The following FTO variants were observed in gnomAD, a reference collection of about 807,000 sequenced individuals.
FTO encodes FTO alpha-ketoglutarate dependent dioxygenase.
FTO carries 47 observed loss-of-function variants against 63.9 expected under a neutral mutation model. The observed-to-expected ratio is 0.74, with a 90% CI of 0.58 to 0.94. The LOEUF (loss-of-function observed/expected upper bound fraction) is 0.94. Among genes scored for constraint, FTO ranks in the 40% least tolerant of loss-of-function variants. The pLI, the probability that FTO is intolerant of heterozygous loss-of-function variation, is 0.00. For missense variants in FTO, 562 were observed against 618.1 expected (o/e 0.91, Z 0.96); for synonymous variants, 207 against 224.4 (o/e 0.92, Z 0.69).
Position 53,893,521 on chromosome 16 carries a change from G to A in FTO, c.1239+4570G>A, listed in dbSNP as rs189332367. 2.7e-3 allele frequency among the ~76,000 whole-genome samples: 412 copies of A among 152,220 alleles called. 2 individuals are homozygous for A. Among genetic ancestry groups the A allele is most frequent in the African/African-American group, 9.6e-3 (397 of 41,544 alleles). On this transcript the variant is annotated intron_variant, in intron 7 of 8. Transcript: ENST00000471389. ...ATGGATAGGCCATTTGTCTCTCAGG[G>A]TCTGGTATCGCTCTTTGCAAAACTG... is the stretch of plus-strand genomic sequence containing the variant.
intron 2 of FTO, among the ~76,000 whole-genome samples, chr16:53,813,952 C>T (rs1219260402): frequency 6.6e-6 from 1 of 152,014 alleles, no homozygotes; most frequent in Non-Finnish European, 1.5e-5. Context: ...CATTTGAGCC[C>T]AGGAATTGGA....
chr16:53,788,230 C>A (rs66908032), intron 1 of FTO, among the ~76,000 whole-genome samples: 62,018 of 151,830 alleles, frequency 0.41, 13,095 homozygotes, highest in African/African-American at 0.48. Flanking sequence ...CTTTCTCTTT[C>A]GTCTTTATTC....
intron 4 of FTO, among the ~76,000 whole-genome samples, chr16:53,852,498 G>A (rs1318339018): frequency 2.0e-5 from 3 of 152,252 alleles, no homozygotes; most frequent in South Asian, 4.1e-4. Flanking sequence ...CATGATTGAG[G>A]TTTACAACTT....
At chr16:53,971,385 G>C (rs1333408147) in intron 8 of FTO, among the ~76,000 whole-genome samples, 1 of 152,158 alleles carries the variant, frequency 6.6e-6, no homozygotes, top group Non-Finnish European at 1.5e-5. Context: ...AATTTACACT[G>C]CAATCAGCAA....
chr16:53,985,481 T>A (rs1279704902), intron 8 of FTO, among the ~76,000 whole-genome samples: 1 of 152,056 alleles, frequency 6.6e-6, no homozygotes, highest in Non-Finnish European at 1.5e-5. Flanking sequence ...AAGAAAAAAA[T>A]TTTCCCACAA....
rs989866771 is a variant in FTO at position 53,912,620 on chromosome 16, A to G, written c.1240-21365A>G. ...TCATCATCAACAGATTGCATGGGGAATGTTGAGGTTGGAGCCTCTTCTTAA... is the reference window on the plus strand; with the variant it reads ...TCATCATCAACAGATTGCATGGGGAGTGTTGAGGTTGGAGCCTCTTCTTAA... On this transcript the variant is annotated intron_variant, in intron 7 of 8. Transcript: ENST00000471389. 7.2e-5 allele frequency among the ~76,000 whole-genome samples: 11 copies of G among 152,200 alleles called. No individual in the cohort carries two copies. In the South Asian group the frequency reaches 1.9e-3, roughly 26 times the overall value.
intron 6 of FTO, among the ~76,000 whole-genome samples, chr16:53,884,929 C>T (rs2080959651): frequency 6.6e-6 from 1 of 152,174 alleles, no homozygotes; most frequent in South Asian, 2.1e-4. Flanking sequence ...TGGAATGTTC[C>T]TTGGCCCCAA....
intron 8 of FTO, among the ~76,000 whole-genome samples, chr16:54,107,901 C>G (rs530651982): frequency 6.6e-6 from 1 of 152,174 alleles, no homozygotes; most frequent in Non-Finnish European, 1.5e-5. Flanking sequence ...CCATACCAGT[C>G]CTCTGATTTA....
chr16:54,019,658 T>C (rs1375242926), intron 8 of FTO, among the ~76,000 whole-genome samples: 1 of 152,160 alleles, frequency 6.6e-6, no homozygotes, highest in East Asian at 1.9e-4. Context: ...ATAGGTTTCC[T>C]ATGGGAAAGA....
chr16:53,752,793 A>C (rs1163435560), intron 1 of FTO, among the ~76,000 whole-genome samples: 3 of 152,150 alleles, frequency 2.0e-5, no homozygotes, highest in Non-Finnish European at 4.4e-5. Flanking sequence ...GGTCAATATC[A>C]CACTGCCCAC....
chr16:54,102,960 CT>C (rs1567573256), intron 8 of FTO, among the ~76,000 whole-genome samples: 1 of 152,004 alleles, frequency 6.6e-6, no homozygotes, highest in East Asian at 1.9e-4. Flanking sequence ...TGAGACCAAC[CT>C]GTGCAACAAA....
At chr16:53,796,049 CT>C (rs745383491) in intron 1 of FTO, among the ~76,000 whole-genome samples, 81 of 138,408 alleles carry the variant, frequency 5.9e-4, no homozygotes, top group East Asian at 2.3e-3. Context: ...TTCTTTCTTT[CT>C]TTTTTTTTTT....
intron 1 of FTO, among the ~76,000 whole-genome samples, chr16:53,791,687 G>A (rs2077916270): frequency 6.6e-6 from 1 of 152,210 alleles, no homozygotes; most frequent in African/African-American, 2.4e-5. Context: ...GGAAACTTGA[G>A]AACAGAAAAT....
At chr16:53,894,081 T>C (rs912594519) in intron 7 of FTO, among the ~76,000 whole-genome samples, 2 of 152,182 alleles carry the variant, frequency 1.3e-5, no homozygotes, top group African/African-American at 4.8e-5. Context: ...ATGTGGAAAA[T>C]GAGTAGGTGT....
At chr16:53,945,474 A>G (rs2082632488) in intron 8 of FTO, among the ~76,000 whole-genome samples, 1 of 152,226 alleles carries the variant, frequency 6.6e-6, no homozygotes, top group Non-Finnish European at 1.5e-5. Context: ...GTTTTTAATC[A>G]ACCACTGATA....
intron 1 of FTO, among the ~76,000 whole-genome samples, chr16:53,777,011 G>A (rs772583014): frequency 1.3e-4 from 20 of 152,094 alleles, no homozygotes; most frequent in Non-Finnish European, 1.0e-4. Context: ...ATTGTGGCAT[G>A]ATTAAATCAA....
At chr16:54,074,274 T>C (rs1418480231) in intron 8 of FTO, among the ~76,000 whole-genome samples, 1 of 152,204 alleles carries the variant, frequency 6.6e-6, no homozygotes. Context: ...TTTGCTTTTT[T>C]AATTAACATG....
intron 3 of FTO, among the ~76,000 whole-genome samples, chr16:53,842,914 A>G (rs1762966354): frequency 6.6e-6 from 1 of 152,164 alleles, no homozygotes; most frequent in Non-Finnish European, 1.5e-5. Flanking sequence ...AGCTCAAGCA[A>G]TCTTCCTCCC....
At chr16:53,799,079 G>T (rs552596641) in intron 1 of FTO, among the ~76,000 whole-genome samples, 1 of 151,932 alleles carries the variant, frequency 6.6e-6, no homozygotes, top group Non-Finnish European at 1.5e-5. Context: ...GGTAACACTT[G>T]GTTATTATAT....
Sources: gnomAD v4.1 joint callset for allele counts (sites outside exome capture counted in the v4.1 genomes callset) on GRCh38, gnomAD v4.1.1 for gene constraint, MANE v1.5 for transcripts, NCBI Gene and HGNC (gene_info 2026-07-23, HGNC 2026-07-21) for gene names.